ELMO1: variants seen among roughly 807,000 people sequenced by gnomAD.
The protein encoded by ELMO1 is engulfment and cell motility protein 1.
ELMO1 carries 26 observed loss-of-function variants against 98.9 expected under a neutral mutation model. The observed-to-expected ratio is 0.26, with a 90% CI of 0.19 to 0.36. The LOEUF is 0.36. ELMO1 is among the 10% of genes least tolerant of loss of function. The pLI is 1.00. For missense variants in ELMO1, 627 were observed against 935.2 expected, an observed-to-expected ratio of 0.67 and a Z score of 4.30; for synonymous variants, 346 against 346.0, an observed-to-expected ratio of 1.00 and a Z score of 0.00.
At chr7:37,420,128 C>T (rs1450619456) in intron 1 of ELMO1, among the ~76,000 whole-genome samples, 4 of 152,160 alleles carry the variant, frequency 2.6e-5, no homozygotes, top group Admixed American at 6.5e-5. Flanking sequence ...AAGCACAGGA[C>T]GAGTCTTGTG....
intron 13 of ELMO1, among the ~76,000 whole-genome samples, chr7:37,144,000 C>T (rs932068213): frequency 3.9e-5 from 6 of 152,070 alleles, no homozygotes; most frequent in Non-Finnish European, 5.9e-5. Context: ...TGTGAGCCAC[C>T]GCGACTGGCC....
At chr7:37,130,757 T>G (rs1256597719) in intron 14 of ELMO1, among the ~76,000 whole-genome samples, 1 of 150,670 alleles carries the variant, frequency 6.6e-6, no homozygotes, top group Non-Finnish European at 1.5e-5. Context: ...ATACATGTGT[T>G]TGTGTGTGTG....
chr7:37,114,846 A>G (rs187268892), intron 14 of ELMO1, among the ~76,000 whole-genome samples: 9 of 152,268 alleles, frequency 5.9e-5, no homozygotes, highest in Admixed American at 5.9e-4. Flanking sequence ...AAAGATCAAT[A>G]AAAACAACAA....
chr7:37,338,675 A>G (rs1386676484), intron 2 of ELMO1, among the ~76,000 whole-genome samples: 1 of 152,200 alleles, frequency 6.6e-6, no homozygotes, highest in African/African-American at 2.4e-5. Context: ...TACATTATTC[A>G]GGACATAATA....
chr7:37,059,032 C>A (rs1367107208), intron 15 of ELMO1, among the ~76,000 whole-genome samples: 1 of 152,160 alleles, frequency 6.6e-6, no homozygotes, highest in Non-Finnish European at 1.5e-5. Flanking sequence ...CTCGGGCCAC[C>A]TGAGGCAAGG....
intron 15 of ELMO1, among the ~76,000 whole-genome samples, chr7:37,060,199 G>A (rs1341679595): frequency 6.6e-6 from 1 of 152,210 alleles, no homozygotes; most frequent in Non-Finnish European, 1.5e-5. Context: ...TGTAATTCCA[G>A]CCTTGGCCCT....
At chr7:37,332,471 T>C (rs1364007937) in intron 2 of ELMO1, among the ~76,000 whole-genome samples, 1 of 151,906 alleles carries the variant, frequency 6.6e-6, no homozygotes, top group Non-Finnish European at 1.5e-5. Context: ...ATGTTACAAG[T>C]TCTACACAGC....
intron 14 of ELMO1, among the ~76,000 whole-genome samples, chr7:37,129,212 A>AT: frequency 6.6e-6 from 1 of 151,742 alleles, no homozygotes; most frequent in East Asian, 1.9e-4. Flanking sequence ...AGCCACAGAG[A>AT]TAGGCTGTGG....
At chr7:37,151,094 A>T (rs970304696) in intron 13 of ELMO1, among the ~76,000 whole-genome samples, 1 of 152,170 alleles carries the variant, frequency 6.6e-6, no homozygotes, top group African/African-American at 2.4e-5. Context: ...ACATCATTTC[A>T]AACAGTGTGG....
At chr7:37,248,766 T>C (rs982699038) in intron 6 of ELMO1, among the ~76,000 whole-genome samples, 5 of 152,342 alleles carry the variant, frequency 3.3e-5, no homozygotes, top group African/African-American at 9.6e-5. Context: ...AGGCAGCAAG[T>C]AGATGAATCG....
chr7:36,908,022 C>A (rs1248799084), intron 16 of ELMO1, among the ~76,000 whole-genome samples: 1 of 152,194 alleles, frequency 6.6e-6, no homozygotes, highest in East Asian at 1.9e-4. Flanking sequence ...AGGACTAATC[C>A]AAGTGTTTTT....
chr7:37,130,511 G>A (rs1786842955), intron 14 of ELMO1, among the ~76,000 whole-genome samples: 1 of 152,212 alleles, frequency 6.6e-6, no homozygotes. Flanking sequence ...TCACTAGAGA[G>A]TGTCAGGTGT....
chr7:37,198,958 C>T (rs1792124757), intron 13 of ELMO1, among the ~76,000 whole-genome samples: 1 of 152,240 alleles, frequency 6.6e-6, no homozygotes, highest in Non-Finnish European at 1.5e-5. Flanking sequence ...AAGTCCTCCA[C>T]TTCATGAACA....
intron 16 of ELMO1, among the ~76,000 whole-genome samples, chr7:36,898,956 AG>A (rs1175561937): frequency 6.6e-6 from 1 of 152,148 alleles, no homozygotes; most frequent in African/African-American, 2.4e-5. Flanking sequence ...CAAAGGGCTG[AG>A]GGCATAGCAC....
rs1303855405 is a variant in ELMO1 at position 37,293,729 on chromosome 7, AT to A, written c.192+21120del. Among the ~76,000 whole-genome samples the A allele has an allele frequency of 1.4e-4, 14 of 97,988 alleles. 3 individuals are homozygous for A. Among genetic ancestry groups the A allele is most frequent in the Non-Finnish European group, 3.2e-4 (13 of 41,018 alleles). 64.3% of individuals were successfully genotyped at this position (97,988 alleles called of 152,430 possible). A position where few individuals can be genotyped will look rare whatever the true frequency, so the allele number is the denominator to read the frequency against. On this transcript the variant is annotated intron_variant, in intron 4 of 21. Transcript: ENST00000310758. The stretch of plus-strand genomic sequence containing the variant: ...AGAATGATCAATAAAAAAAAAAATA[AT>A]AATAATAATAAAAAAAAAGAGTGAA...
intron 13 of ELMO1, among the ~76,000 whole-genome samples, chr7:37,171,683 G>A (rs894379445): frequency 4.6e-5 from 7 of 151,594 alleles, no homozygotes; most frequent in African/African-American, 1.7e-4. Context: ...TAGTGGAGAC[G>A]GGGTTTCACC....
intron 13 of ELMO1, among the ~76,000 whole-genome samples, chr7:37,162,709 C>T (rs929451812): frequency 3.3e-5 from 5 of 151,904 alleles, no homozygotes; most frequent in Admixed American, 6.6e-5. Context: ...ATGAAGAAAC[C>T]GGCAAAAAAA....
In ELMO1 at chr7:36,979,144, G is replaced by A. The variant is rs146414937; in HGVS notation, c.1437+34155C>T. 3.6e-3 allele frequency among the ~76,000 whole-genome samples: 549 copies of A among 152,148 alleles called. 2 individuals are homozygous for A. Among genetic ancestry groups the A allele is most frequent in the African/African-American group, 0.011 (459 of 41,488 alleles). On this transcript the variant is annotated intron_variant, in intron 16 of 21. Coordinates refer to ENST00000310758, the MANE Select transcript of ELMO1 (RefSeq NM_014800.11). ...CTAGAGGGTTGGGGTAGTGCCTGAG[G>A]ATTATTTAGGAGAATAATCTGAAAG...
chr7:37,103,082 G>A (rs6971267), intron 14 of ELMO1, among the ~76,000 whole-genome samples: 18,694 of 152,188 alleles, frequency 0.12, 1,156 homozygotes, highest in Middle Eastern at 0.22. Context: ...AAATGGGAAA[G>A]CAAAATGGAA....
Sources: allele counts gnomAD v4.1 joint callset (sites outside exome capture counted in the v4.1 genomes callset), GRCh38; gene constraint gnomAD v4.1.1; transcripts MANE v1.5; gene names NCBI Gene and HGNC (gene_info 2026-07-23, HGNC 2026-07-21).